The following LYSMD3 variants were observed in gnomAD, a reference collection of about 807,000 sequenced individuals.
The protein encoded by LYSMD3 is lysM and putative peptidoglycan-binding domain-containing protein 3.
LYSMD3 carries 13 observed loss-of-function variants against 26.1 expected under a neutral mutation model. The observed-to-expected ratio is 0.50, with a 90% confidence interval of 0.32 to 0.79. The LOEUF (loss-of-function observed/expected upper bound fraction) is 0.79. Ranked by LOEUF, LYSMD3 falls within the 30% of genes least tolerant of loss-of-function variation. The pLI is 0.03. For missense variants in LYSMD3, 331 were observed against 362.5 expected (o/e 0.91, Z 0.71); for synonymous variants, 109 against 119.4 (o/e 0.91, Z 0.57).
intron 1 of LYSMD3, among the ~76,000 whole-genome samples, chr5:90,526,740 A>G (rs796078372): frequency 2.6e-5 from 4 of 152,326 alleles, no homozygotes; most frequent in African/African-American, 9.6e-5. Flanking sequence ...GATATGGAAG[A>G]GGAGCTGGGG....
rs1409259546 is a variant in LYSMD3 at position 90,515,683 on chromosome 5, A to T, written c.*3136T>A. 1.3e-5 allele frequency: 2 copies of T among 152,190 alleles called. No individual in the cohort carries two copies. Among genetic ancestry groups the T allele is most frequent in the African/African-American group, 4.8e-5 (2 of 41,454 alleles). 9.4% of individuals were successfully genotyped at this position (152,190 alleles called of 1,614,324 possible). On this transcript the variant is annotated 3_prime_UTR_variant, in exon 3 of 3. Coordinates refer to ENST00000315948, the MANE Select transcript of LYSMD3 (RefSeq NM_198273.2). ...GTTGGAGATCTTTCAAAATATGAAAAATAAGGGGCAAAAAATTTTAAAAAC... is the reference window on the plus strand; with the variant it reads ...GTTGGAGATCTTTCAAAATATGAAATATAAGGGGCAAAAAATTTTAAAAAC...
At position 90,516,759 on chromosome 5, in the gene LYSMD3, T is replaced by C. The variant is rs1460860784; in HGVS notation, c.*2060A>G. ...ACCTGATGTGTTATAAGGATGTATA[T>C]TTCCTTCAAAAAAGGATACTCTGCA... On this transcript the variant is annotated 3_prime_UTR_variant, in exon 3 of 3. Coordinates refer to ENST00000315948, the MANE Select transcript of LYSMD3 (RefSeq NM_198273.2). 6.6e-6 allele frequency: 1 copy of C among 152,490 alleles called. No homozygotes were observed. The highest frequency in any genetic ancestry group is 6.5e-5 in the Admixed American group (1 of 15,270). The allele number at this position is 152,490 out of a possible 1,614,324, so 9.4% of individuals were successfully genotyped here.
chr5:90,519,076 C>G lies in LYSMD3; in HGVS notation c.664G>C (p.Val222Leu). 2 of 1,614,076 alleles carry G rather than the reference C, an allele frequency of 1.2e-6. No homozygotes were observed. The highest frequency in any genetic ancestry group is 1.7e-6 in the Non-Finnish European group (2 of 1,179,984). Residue 222 changes from valine to leucine, a missense_variant, in exon 3 of 3, where the codon GTA (valine) becomes CTA (leucine). Physicochemically the swap from Val to Leu is conservative, Grantham distance 32. This residue lies in a region of LYSMD3 where 262 missense variants were observed against 267.3 expected (regional missense o/e 0.98). Coordinates refer to ENST00000315948, the MANE Select transcript of LYSMD3 (RefSeq NM_198273.2). Reference protein sequence around the residue: ...ADWGIGWWTAVVIMLIVGIIT... With the variant: ...ADWGIGWWTALVIMLIVGIIT... ...ATACCTACTATCAACATTATCACTA[C>G]AGCTGTCCACCACCCTATTCCCCAG...
intron 2 of LYSMD3, chr5:90,520,267 A>C (rs926677054): frequency 2.5e-6 from 1 of 401,210 alleles, no homozygotes; most frequent in African/African-American, 2.1e-5. Flanking sequence ...GGAAGAGGGG[A>C]GTGTCTGGCA....
intron 2 of LYSMD3, among the ~76,000 whole-genome samples, chr5:90,523,010 C>T (rs930045560): frequency 2.0e-5 from 3 of 152,110 alleles, no homozygotes; most frequent in South Asian, 2.1e-4. Flanking sequence ...ACAAACTCTC[C>T]TCTCGGATCT....
At chr5:90,523,865 C>T (rs1486542969) in intron 2 of LYSMD3, among the ~76,000 whole-genome samples, 1 of 152,064 alleles carries the variant, frequency 6.6e-6, no homozygotes, top group Non-Finnish European at 1.5e-5. Flanking sequence ...AGTTTGAAAA[C>T]AAATGTTCTA....
chr5:90,515,723 C>T lies in LYSMD3; in HGVS notation c.*3096G>A, dbSNP rs948358001. 1 of 152,114 alleles carries T rather than the reference C, an allele frequency of 6.6e-6. No individual in the cohort carries two copies. Among genetic ancestry groups the T allele is most frequent in the South Asian group, 2.1e-4 (1 of 4,830 alleles). The allele number at this position is 152,114 out of a possible 1,614,324, so 9.4% of individuals were successfully genotyped here. On this transcript the variant is annotated 3_prime_UTR_variant, in exon 3 of 3. Transcript: ENST00000315948. ...ATTTTAAAAACTGGTTTTACAGATA[C>T]ACATGCTAACAATGTTCTACAGTTA...
chr5:90,520,694 T>C (rs1471155493), intron 2 of LYSMD3, among the ~76,000 whole-genome samples: 3 of 152,002 alleles, frequency 2.0e-5, no homozygotes, highest in Non-Finnish European at 2.9e-5. Flanking sequence ...CCGAGGCAGG[T>C]AGATCACCTG....
chr5:90,527,128 C>A (rs1032896950), intron 1 of LYSMD3: 1 of 151,798 alleles, frequency 6.6e-6, no homozygotes, highest in African/African-American at 2.4e-5. Context: ...GAGTACCAAG[C>A]GAAACAAAAA....
chr5:90,520,525 T>C, intron 2 of LYSMD3: 1 of 456,246 alleles, frequency 2.2e-6, no homozygotes, highest in South Asian at 1.5e-5. Flanking sequence ...CTGCTTGAGA[T>C]ACAGAAGTGG....
intron 1 of LYSMD3, among the ~76,000 whole-genome samples, chr5:90,525,850 C>T (rs1753210774): frequency 6.6e-6 from 1 of 152,172 alleles, no homozygotes; most frequent in Non-Finnish European, 1.5e-5. Flanking sequence ...GATCATATAT[C>T]ACTAAACACG....
At chr5:90,523,836 T>C (rs1289697037) in intron 2 of LYSMD3, among the ~76,000 whole-genome samples, 1 of 152,162 alleles carries the variant, frequency 6.6e-6, no homozygotes, top group African/African-American at 2.4e-5. Flanking sequence ...AAAATTCTAT[T>C]GGGAGTATGA....
chr5:90,518,909 C>T lies in LYSMD3; in HGVS notation c.831G>A (p.Val277=), dbSNP rs1343127409. ...GGCTGAAATGTATTCCTTTAGTTGG[C>T]ACAATTCCATTTTCCATTTCTCTCT... is the stretch of plus-strand genomic sequence containing the variant. ...SQQREMENGI[V]PTKGIHFSQQ... is the part of the protein sequence containing the mutation. The change falls in exon 3 of 3, where the codon GTG becomes GTA. Residue 277 remains valine, a synonymous_variant. Transcript: ENST00000315948. The T allele has an allele frequency of 6.2e-7, 1 of 1,614,012 alleles. No individual in the cohort carries two copies. The highest frequency in any genetic ancestry group is 8.5e-7 in the Non-Finnish European group (1 of 1,179,952).
At position 90,516,941 on chromosome 5, in the gene LYSMD3, A is replaced by G. The variant is rs1171489839; in HGVS notation, c.*1878T>C. The G allele has an allele frequency of 6.6e-6, 1 of 152,448 alleles. No individual in the cohort carries two copies. The highest frequency in any genetic ancestry group is 1.9e-4 in the East Asian group (1 of 5,192). The allele number at this position is 152,448 out of a possible 1,614,324, so 9.4% of individuals were successfully genotyped here. ...GTAATTTCATCAATTTGATGTAAAC[A>G]AAGTTCTTCAAAGGACACCTGGCCT... On this transcript the variant is annotated 3_prime_UTR_variant, in exon 3 of 3. Coordinates refer to ENST00000315948, the MANE Select transcript of LYSMD3 (RefSeq NM_198273.2).
chr5:90,517,660 T>C lies in LYSMD3; in HGVS notation c.*1159A>G, dbSNP rs1752981375. ...CTATATATAGAGATCAGGAAAAAAG[T>C]CTAAATTGGATATTTTCTCTTTGAA... On this transcript the variant is annotated 3_prime_UTR_variant, in exon 3 of 3. Transcript: ENST00000315948. 1 of 151,986 alleles carries C rather than the reference T, an allele frequency of 6.6e-6. No individual in the cohort carries two copies. The highest frequency in any genetic ancestry group is 1.5e-5 in the Non-Finnish European group (1 of 67,898). The allele number at this position is 151,986 out of a possible 1,614,324, so 9.4% of individuals were successfully genotyped here. A position where few individuals can be genotyped will look rare whatever the true frequency, so the allele number is the denominator to read the frequency against.
At chr5:90,520,041 T>C (rs1180953638) in intron 2 of LYSMD3, among the ~76,000 whole-genome samples, 3 of 152,068 alleles carry the variant, frequency 2.0e-5, no homozygotes, top group East Asian at 1.9e-4. Flanking sequence ...GAAAAGCATA[T>C]ATACCTTAGA....
At chr5:90,528,406 A>C (rs1422003440) in intron 1 of LYSMD3, among the ~76,000 whole-genome samples, 1 of 152,210 alleles carries the variant, frequency 6.6e-6, no homozygotes, top group Non-Finnish European at 1.5e-5. Context: ...AAAATCACTA[A>C]GCAATGCCCC....
chr5:90,521,614 C>G (rs1258410879), intron 2 of LYSMD3, among the ~76,000 whole-genome samples: 1 of 151,966 alleles, frequency 6.6e-6, no homozygotes, highest in Non-Finnish European at 1.5e-5. Flanking sequence ...ACTGAAAAAT[C>G]CCAGTCTGAC....
chr5:90,521,927 T>C (rs956593502), intron 2 of LYSMD3, among the ~76,000 whole-genome samples: 3 of 152,214 alleles, frequency 2.0e-5, no homozygotes, highest in Non-Finnish European at 4.4e-5. Context: ...GATCCTTTTA[T>C]AATGATAAAT....
Sources: gnomAD v4.1 joint callset for allele counts (sites outside exome capture counted in the v4.1 genomes callset) on GRCh38, gnomAD v4.1.1 for gene constraint, gnomAD v4.1.1 regional missense constraint, MANE v1.5 for transcripts, NCBI Gene and HGNC (gene_info 2026-07-23, HGNC 2026-07-21) for gene names.